KLF17: variants seen among roughly 807,000 people sequenced by gnomAD.
KLF17 encodes Krueppel-like factor 17.
A neutral mutation model predicts 34.2 loss-of-function variants in KLF17; 31 were observed. The observed-to-expected ratio is 0.91, with a 90% CI of 0.68 to 1.22. The LOEUF (loss-of-function observed/expected upper bound fraction) is 1.22. KLF17 is among the 50% of genes most tolerant of loss of function. The probability of loss-of-function intolerance (pLI) is 0.00; values close to 1 mark genes in which losing one functional copy is unlikely to be tolerated. For synonymous variants in KLF17, 179 were observed against 186.7 expected (o/e 0.96, Z 0.34); for missense variants, 478 against 505.2 (o/e 0.95, Z 0.52).
At chr1:44,050,652 C>T in the KLF17 span, among the ~76,000 whole-genome samples, 1 of 152,200 alleles carries the variant, frequency 6.6e-6, no homozygotes, top group African/African-American at 2.4e-5. Context: ...CACAGTGGCT[C>T]ACACCTATAA....
At chr1:44,065,245 G>A in the KLF17 span, among the ~76,000 whole-genome samples, 1 of 151,346 alleles carries the variant, frequency 6.6e-6, no homozygotes, top group Non-Finnish European at 1.5e-5. Flanking sequence ...CCAAGATCAT[G>A]CCACTGCATT....
At chr1:44,090,995 AGTT>A in the KLF17 span, among the ~76,000 whole-genome samples, 1 of 151,936 alleles carries the variant, frequency 6.6e-6, no homozygotes, top group African/African-American at 2.4e-5. Context: ...TTAAAGCAGC[AGTT>A]GTCAGACTTT....
the KLF17 span, among the ~76,000 whole-genome samples, chr1:44,087,725 TA>T: frequency 0.021 from 757 of 36,870 alleles, 5 homozygotes; most frequent in East Asian, 0.032. Context: ...CTATATATTT[TA>T]TATATATATA....
the KLF17 span, among the ~76,000 whole-genome samples, chr1:44,093,075 A>G: frequency 6.6e-6 from 1 of 152,218 alleles, no homozygotes; most frequent in East Asian, 1.9e-4. Context: ...AATAAGGGGC[A>G]TTGAAGAAAG....
At chr1:44,108,331 G>T in the KLF17 span, among the ~76,000 whole-genome samples, 1 of 152,202 alleles carries the variant, frequency 6.6e-6, no homozygotes, top group Non-Finnish European at 1.5e-5. Flanking sequence ...AATCCCAAGA[G>T]GCATTGGAAC....
chr1:44,060,390 C>T, the KLF17 span, among the ~76,000 whole-genome samples: 2 of 152,098 alleles, frequency 1.3e-5, no homozygotes, highest in Admixed American at 6.5e-5. Flanking sequence ...ATCTCTTGAA[C>T]CTGGGAGGCA....
chr1:44,094,969 C>T, the KLF17 span, among the ~76,000 whole-genome samples: 6 of 148,548 alleles, frequency 4.0e-5, no homozygotes, highest in South Asian at 4.2e-4. Context: ...GGTGTGATCT[C>T]GGCTCACTGC....
chr1:44,099,173 G>T, the KLF17 span, among the ~76,000 whole-genome samples: 1 of 152,072 alleles, frequency 6.6e-6, no homozygotes, highest in East Asian at 1.9e-4. Flanking sequence ...GGAGACTGAG[G>T]CTGGAGGATT....
the KLF17 span, chr1:44,103,619 G>A: frequency 6.2e-7 from 1 of 1,609,340 alleles, no homozygotes; most frequent in Admixed American, 1.7e-5. Flanking sequence ...TCTCGATCTC[G>A]ATGTCCAGGG....
chr1:44,120,854 C>T (rs2087937262), intron 1 of KLF17, among the ~76,000 whole-genome samples: 1 of 152,102 alleles, frequency 6.6e-6, no homozygotes, highest in African/African-American at 2.4e-5. Flanking sequence ...CATGGTGGCT[C>T]ACACCTGTAG....
the KLF17 span, among the ~76,000 whole-genome samples, chr1:44,092,157 A>G: frequency 6.6e-6 from 1 of 152,106 alleles, no homozygotes; most frequent in Admixed American, 6.6e-5. Flanking sequence ...AGCCTGACCA[A>G]CATGGAGAAA....
chr1:44,077,327 A>G, the KLF17 span, among the ~76,000 whole-genome samples: 1 of 152,134 alleles, frequency 6.6e-6, no homozygotes, highest in African/African-American at 2.4e-5. Context: ...CCTAGGTGAC[A>G]GAGCAAGACT....
chr1:44,100,813 G>A, the KLF17 span, among the ~76,000 whole-genome samples: 11 of 151,924 alleles, frequency 7.2e-5, no homozygotes, highest in African/African-American at 2.2e-4. Flanking sequence ...AGCCACCACC[G>A]CCCAGCCCAT....
intron 1 of KLF17, among the ~76,000 whole-genome samples, chr1:44,123,652 A>G (rs2087975181): frequency 6.6e-6 from 1 of 152,008 alleles, no homozygotes; most frequent in African/African-American, 2.4e-5. Flanking sequence ...GTATAAAGTT[A>G]GGTTGTTGGT....
chr1:44,100,997 C>T, the KLF17 span, among the ~76,000 whole-genome samples: 69,495 of 152,036 alleles, frequency 0.46, 16,137 homozygotes, highest in Middle Eastern at 0.5. Flanking sequence ...CATTTAAAAA[C>T]ACAACTACTA....
Position 44,129,340 on chromosome 1 carries a change from CTT to C in KLF17, c.82-9_82-8del, listed in dbSNP as rs752591054. ...GAATTTGAGCAAAAATCACCTGACT[CTT>C]TTTCCCCAAGGATAACGAGAACTCA... On this transcript the variant is annotated splice_polypyrimidine_tract_variant and intron_variant, in intron 1 of 3. Coordinates refer to ENST00000372299, the MANE Select transcript of KLF17 (RefSeq NM_173484.4). The C allele has an allele frequency of 2.7e-6, 4 of 1,505,380 alleles. No homozygotes were observed. Among genetic ancestry groups the C allele is most frequent in the Admixed American group, 2.3e-5 (1 of 43,266 alleles). The allele number at this position is 1,505,380 out of a possible 1,614,324, so 93.3% of individuals were successfully genotyped here.
the KLF17 span, chr1:44,046,128 GGATAAT>G: frequency 5.6e-5 from 4 of 71,920 alleles, no homozygotes; most frequent in Non-Finnish European, 1.1e-4. Flanking sequence ...ATTTGGTAAA[GGATAAT>G]AATAATAATA....
chr1:44,044,197 G>T, the KLF17 span, among the ~76,000 whole-genome samples: 1 of 152,230 alleles, frequency 6.6e-6, no homozygotes. Flanking sequence ...GGAAGCTGTG[G>T]TTGTTGGCAG....
intron 1 of KLF17, 74 bp downstream of exon 1, chr1:44,119,062 G>A (rs968125584): frequency 1.3e-5 from 15 of 1,147,146 alleles, no homozygotes; most frequent in Non-Finnish European, 1.7e-5. Flanking sequence ...AGGCCTTGGA[G>A]GAGAGGTGAG....
Sources: allele counts gnomAD v4.1 joint callset (sites outside exome capture counted in the v4.1 genomes callset), GRCh38; gene constraint gnomAD v4.1.1; transcripts MANE v1.5; gene names NCBI Gene and HGNC (gene_info 2026-07-23, HGNC 2026-07-21).